Variants in PTPN2 observed in about 807,000 individuals in gnomAD.
PTPN2 encodes tyrosine-protein phosphatase non-receptor type 2.
A neutral mutation model predicts 57.3 loss-of-function variants in PTPN2; 19 were observed. That is an observed-to-expected ratio of 0.33 (90% confidence interval 0.23 to 0.49). The LOEUF (loss-of-function observed/expected upper bound fraction) is 0.49. Among genes scored for constraint, PTPN2 ranks in the 20% least tolerant of loss-of-function variants. The pLI, the probability that PTPN2 is intolerant of heterozygous loss-of-function variation, is 0.99. For synonymous variants in PTPN2, 153 were observed against 164.9 expected (o/e 0.93, Z 0.55); for missense variants, 358 against 501.1 (o/e 0.71, Z 2.73).
chr18:12,883,464 G>A (rs907572350), intron 1 of PTPN2, among the ~76,000 whole-genome samples: 1 of 152,154 alleles, frequency 6.6e-6, no homozygotes, highest in Non-Finnish European at 1.5e-5. Context: ...CGCCAGGAGA[G>A]CGAGCTTCGC....
chr18:12,852,191 AAC>A (rs139964591), intron 2 of PTPN2, among the ~76,000 whole-genome samples: 7,901 of 140,414 alleles, frequency 0.056, 248 homozygotes, highest in East Asian at 0.13. Context: ...ATGGGTTTTT[AAC>A]ACACACACAC....
chr18:12,839,802 AAG>A (rs375028822), intron 2 of PTPN2, among the ~76,000 whole-genome samples: 26 of 152,292 alleles, frequency 1.7e-4, no homozygotes, highest in African/African-American at 6.3e-4. Context: ...AATTTCTGAC[AAG>A]GAGTCCCTTC....
downstream of PTPN2, chr18:12,792,127 A>T: frequency 1.4e-6 from 1 of 731,604 alleles, no homozygotes; most frequent in Non-Finnish European, 1.7e-6. Flanking sequence ...AGGACACAGT[A>T]ATACTGAATC....
At chr18:12,805,639 C>CTTTTTT (rs755422217) in intron 7 of PTPN2, among the ~76,000 whole-genome samples, 1 of 114,160 alleles carries the variant, frequency 8.8e-6, no homozygotes, top group Admixed American at 9.8e-5. Context: ...TGCCTCCTTT[C>CTTTTTT]TTTTTTTTTT....
At chr18:12,835,380 G>GTTTTTTTTTTT (rs1598816657) in intron 3 of PTPN2, among the ~76,000 whole-genome samples, 1 of 20,660 alleles carries the variant, frequency 4.8e-5, no homozygotes, top group Non-Finnish European at 1.1e-4. Flanking sequence ...GATCACATAT[G>GTTTTTTTTTTT]TCTTTTTTTT....
At chr18:12,869,369 T>C (rs1439556129) in intron 1 of PTPN2, among the ~76,000 whole-genome samples, 2 of 152,154 alleles carry the variant, frequency 1.3e-5, no homozygotes, top group Non-Finnish European at 2.9e-5. Flanking sequence ...CTATGTTGCT[T>C]AGACTGGTCT....
At chr18:12,851,209 G>T (rs1279606526) in intron 2 of PTPN2, among the ~76,000 whole-genome samples, 1 of 8,704 alleles carries the variant, frequency 1.1e-4, no homozygotes, top group African/African-American at 1.8e-4. Flanking sequence ...GCCGGGCGCG[G>T]TGGCTCACGC....
At chr18:12,841,604 CTT>C (rs1328344849) in intron 2 of PTPN2, among the ~76,000 whole-genome samples, 2 of 152,154 alleles carry the variant, frequency 1.3e-5, no homozygotes, top group African/African-American at 4.8e-5. Context: ...TAAGTTCAAC[CTT>C]TTCCAAACAA....
intron 7 of PTPN2, 106 bp from the exon 8 acceptor site, chr18:12,802,257 C>G (rs1328952884): frequency 1.1e-6 from 1 of 890,600 alleles, no homozygotes; most frequent in Non-Finnish European, 1.7e-6. Context: ...TAAGAAAACC[C>G]AATGATGCTA....
intron 1 of PTPN2, among the ~76,000 whole-genome samples, chr18:12,883,037 C>T (rs1568183366): frequency 6.6e-6 from 1 of 152,204 alleles, no homozygotes; most frequent in Non-Finnish European, 1.5e-5. Flanking sequence ...AAAAGCGAAT[C>T]ACAGGTGTTT....
chr18:12,788,636 A>G (rs1490394706), downstream of PTPN2, among the ~76,000 whole-genome samples: 1 of 151,906 alleles, frequency 6.6e-6, no homozygotes, highest in African/African-American at 2.4e-5. Context: ...AAGGCCTCAC[A>G]AACCAAGTAA....
chr18:12,788,736 T>G (rs2040908051), downstream of PTPN2, among the ~76,000 whole-genome samples: 1 of 151,998 alleles, frequency 6.6e-6, no homozygotes, highest in South Asian at 2.1e-4. Flanking sequence ...GCAATGGCAG[T>G]GAGGAAAAAT....
chr18:12,852,191 A>AACACACACACAC (rs139964591), intron 2 of PTPN2, among the ~76,000 whole-genome samples: 22,595 of 140,170 alleles, frequency 0.16, 2,107 homozygotes, highest in Non-Finnish European at 0.21. Flanking sequence ...ATGGGTTTTT[A>AACACACACACAC]ACACACACAC....
intron 3 of PTPN2, among the ~76,000 whole-genome samples, chr18:12,833,680 C>A (rs1426721706): frequency 1.3e-5 from 2 of 152,070 alleles, no homozygotes; most frequent in Non-Finnish European, 2.9e-5. Flanking sequence ...GGTGACTACA[C>A]CACTAGAGTG....
chr18:12,882,869 CAG>C (rs2044707087), intron 1 of PTPN2, among the ~76,000 whole-genome samples: 1 of 152,204 alleles, frequency 6.6e-6, no homozygotes, highest in Non-Finnish European at 1.5e-5. Flanking sequence ...TTACTTTACA[CAG>C]AGAGAACCAA....
intron 1 of PTPN2, chr18:12,880,611 G>C (rs565137844): frequency 2.6e-5 from 4 of 152,428 alleles, no homozygotes; most frequent in Admixed American, 2.6e-4. Flanking sequence ...GCCCTTACCT[G>C]TCAGGTGGCC....
intron 2 of PTPN2, among the ~76,000 whole-genome samples, chr18:12,837,590 A>C (rs2042911024): frequency 6.6e-6 from 1 of 152,226 alleles, no homozygotes; most frequent in South Asian, 2.1e-4. Flanking sequence ...AAGCAAGAGA[A>C]GCATGACACC....
intron 1 of PTPN2, among the ~76,000 whole-genome samples, chr18:12,874,136 C>T (rs1394547422): frequency 1.2e-4 from 18 of 152,050 alleles, no homozygotes; most frequent in Non-Finnish European, 2.6e-4. Flanking sequence ...ACCTGGCAGC[C>T]GCCCCGTCCA....
chr18:12,855,007 C>A (rs959531792), intron 2 of PTPN2, among the ~76,000 whole-genome samples: 79 of 152,226 alleles, frequency 5.2e-4, no homozygotes, highest in African/African-American at 1.7e-3. Flanking sequence ...AAAAATTAGC[C>A]AGGCGTCATG....
Sources: gnomAD v4.1 joint callset for allele counts (sites outside exome capture counted in the v4.1 genomes callset) on GRCh38, gnomAD v4.1.1 for gene constraint, MANE v1.5 for transcripts, NCBI Gene and HGNC (gene_info 2026-07-23, HGNC 2026-07-21) for gene names.